Variants in BABAM2 observed in about 807,000 individuals in gnomAD.
The protein encoded by BABAM2 is BRISC and BRCA1-A complex member 2.
Under a neutral mutation model 54.7 loss-of-function variants are expected in BABAM2, and 31 were observed. The ratio of observed to expected loss-of-function variants is 0.57; its 90% CI spans 0.43 to 0.77. The LOEUF is 0.77. BABAM2 is among the 30% of genes least tolerant of loss of function. The probability of loss-of-function intolerance (pLI) is 0.00; values close to 1 mark genes in which losing one functional copy is unlikely to be tolerated. For synonymous variants in BABAM2, 167 were observed against 162.9 expected (o/e 1.03, Z -0.19); for missense variants, 364 against 455.8 (o/e 0.80, Z 1.83).
intron 10 of BABAM2, among the ~76,000 whole-genome samples, chr2:28,279,298 C>T (rs575719114): frequency 3.7e-4 from 57 of 152,258 alleles, no homozygotes; most frequent in South Asian, 2.1e-4. Flanking sequence ...TTTCGTCAGC[C>T]GGAAACCTCC....
intron 7 of BABAM2, among the ~76,000 whole-genome samples, chr2:28,220,051 TTTC>T (rs139641652): frequency 0.024 from 3,649 of 152,330 alleles, 135 homozygotes; most frequent in African/African-American, 0.082. Flanking sequence ...CTAGTCACTA[TTTC>T]TTCTTCATTT....
At chr2:27,959,865 T>C (rs1193553333) in intron 3 of BABAM2, among the ~76,000 whole-genome samples, 2 of 152,192 alleles carry the variant, frequency 1.3e-5, no homozygotes, top group Non-Finnish European at 2.9e-5. Flanking sequence ...GAATGTTGGC[T>C]AGAGCTTGTG....
rs777406035 is a variant in BABAM2 at position 28,129,278 on chromosome 2, A to G, written c.578A>G (p.Asn193Ser). Residue 193 changes from asparagine (N) to serine (S), a missense_variant, in exon 7 of 12, where the codon AAT (asparagine) becomes AGT (serine). Transcript: ENST00000379624. ...TTTCACTTCTTGTTTAAGGATGTAA[A>G]TGAAGACCCTGGAGAAGATGTGGCC... is the stretch of plus-strand genomic sequence containing the variant. ...NIPTYLLKDV[N>S]EDPGEDVALL... 3.1e-6 allele frequency: 5 copies of G among 1,613,596 alleles called. No homozygotes were observed. Among genetic ancestry groups the G allele is most frequent in the South Asian group, 2.2e-5 (2 of 91,072 alleles).
At chr2:28,238,840 C>CA (rs34113096) in intron 8 of BABAM2, among the ~76,000 whole-genome samples, 146,824 of 151,568 alleles carry the variant, frequency 0.97, 71,274 homozygotes, top group Middle Eastern at 1. Context: ...ACATTTTCCT[C>CA]AAAAAAAAAT....
Position 28,304,866 on chromosome 2 carries a change from C to T in BABAM2, c.1088+6375C>T, listed in dbSNP as rs576866379. Among the ~76,000 whole-genome samples, 17 of 149,002 alleles carry T rather than the reference C, an allele frequency of 1.1e-4. No individual in the cohort carries two copies. The highest frequency in any genetic ancestry group is 3.2e-4 in the African/African-American group (13 of 41,222). ...CAAAGTGCTAGGATTACAGGCATGA[C>T]GGGATTTCACCATGTGGCCCAGGCT... On this transcript the variant is annotated intron_variant, in intron 11 of 11. Coordinates refer to ENST00000379624, the MANE Select transcript of BABAM2 (RefSeq NM_199191.3). The surrounding 1 kb of genome is among the most constrained non-coding windows in gnomAD (Gnocchi z 4.0).
At chr2:28,067,921 T>A (rs1324810555) in intron 6 of BABAM2, among the ~76,000 whole-genome samples, 1 of 152,214 alleles carries the variant, frequency 6.6e-6, no homozygotes, top group African/African-American at 2.4e-5. Context: ...AAGAATTTTC[T>A]TTTTTCCTTT....
intron 11 of BABAM2, among the ~76,000 whole-genome samples, chr2:28,335,102 T>A (rs552846798): frequency 6.6e-6 from 1 of 151,550 alleles, no homozygotes; most frequent in East Asian, 1.9e-4. Context: ...TCTTCCTTAG[T>A]ACCTAAATAT....
intron 4 of BABAM2, among the ~76,000 whole-genome samples, chr2:28,002,060 T>TA (rs5830060): frequency 0.62 from 86,166 of 139,846 alleles, 28,103 homozygotes; most frequent in Middle Eastern, 0.76. Flanking sequence ...ATCAAACAGG[T>TA]AAAAAAAAAA....
rs534291801 is a variant in BABAM2, at chr2:28,023,099, A to G, written c.301-2127A>G. ...GGCTAAGGAGATCAATAAAGAAATT[A>G]TATTTTAATGGAAGGAGACTGGTTG... On this transcript the variant is annotated intron_variant, in intron 4 of 11. Coordinates refer to ENST00000379624, the MANE Select transcript of BABAM2 (RefSeq NM_199191.3). Among the ~76,000 whole-genome samples the G allele has an allele frequency of 7.2e-5, 11 of 152,320 alleles. No individual in the cohort carries two copies. In the South Asian group the frequency reaches 2.1e-3, roughly 29 times the overall value.
In BABAM2 at chr2:28,003,062, G is replaced by C. The variant is rs73923962; in HGVS notation, c.300+14975G>C. ...GTTTTATACATTTTGGTGATTATTA[G>C]GATTTATGTTCCCAATATACTTCAT... On this transcript the variant is annotated intron_variant, in intron 4 of 11. Transcript: ENST00000379624. Among the ~76,000 whole-genome samples, 483 of 152,212 alleles carry C rather than the reference G, an allele frequency of 3.2e-3. 4 individuals are homozygous for C. Among genetic ancestry groups the C allele is most frequent in the African/African-American group, 0.011 (463 of 41,526 alleles).
chr2:28,054,680 C>T (rs1032889733), intron 6 of BABAM2, among the ~76,000 whole-genome samples: 1 of 152,200 alleles, frequency 6.6e-6, no homozygotes, highest in African/African-American at 2.4e-5. Flanking sequence ...ACCACAGTTG[C>T]TGCTACCTTG....
At chr2:27,981,416 A>G (rs1671991842) in intron 3 of BABAM2, among the ~76,000 whole-genome samples, 1 of 152,158 alleles carries the variant, frequency 6.6e-6, no homozygotes, top group African/African-American at 2.4e-5. Flanking sequence ...GGCTTTTTAC[A>G]AATATAGTCA....
In BABAM2 at chr2:27,894,609, T is replaced by C. The variant is rs1665137608; in HGVS notation, c.53T>C (p.Ile18Thr). Residue 18 changes from isoleucine to threonine, a missense_variant, in exon 2 of 12, where the codon ATA becomes ACA. Physicochemically the swap from Ile to Thr is moderately conservative, Grantham distance 89. Transcript: ENST00000379624. ...ATATCTCCAATGCTCTCCCCTTTCATATCTAGCGTGGTCCGGAATGGAAAA... is the reference window on the plus strand; with the variant it reads ...ATATCTCCAATGCTCTCCCCTTTCACATCTAGCGTGGTCCGGAATGGAAAA... Reference protein sequence around the residue: ...NRISPMLSPFISSVVRNGKVG... With the variant: ...NRISPMLSPFTSSVVRNGKVG... The C allele has an allele frequency of 3.7e-6, 6 of 1,613,966 alleles. No individual in the cohort carries two copies. The highest frequency in any genetic ancestry group is 1.7e-5 in the Admixed American group (1 of 60,012).
intron 5 of BABAM2, among the ~76,000 whole-genome samples, chr2:28,042,402 T>C (rs1283126496): frequency 6.6e-6 from 1 of 152,150 alleles, no homozygotes; most frequent in Non-Finnish European, 1.5e-5. Flanking sequence ...ATCTCCAATG[T>C]TCAAGGATTG....
chr2:28,283,204 A>T (rs1686525537), intron 10 of BABAM2, among the ~76,000 whole-genome samples: 1 of 152,106 alleles, frequency 6.6e-6, no homozygotes, highest in Admixed American at 6.5e-5. Flanking sequence ...CTGGGCTTGG[A>T]ATCAAGACCC....
At chr2:27,917,626 T>C (rs140312935) in intron 2 of BABAM2, among the ~76,000 whole-genome samples, 9 of 152,282 alleles carry the variant, frequency 5.9e-5, no homozygotes, top group African/African-American at 2.2e-4. Flanking sequence ...TCAAAGGCCC[T>C]ACCTCTTAAT....
chr2:28,206,189 A>T (rs542607289), intron 7 of BABAM2, among the ~76,000 whole-genome samples: 4 of 152,172 alleles, frequency 2.6e-5, no homozygotes, highest in Non-Finnish European at 4.4e-5. Flanking sequence ...CTATGTTTTC[A>T]TGGTACCTAT....
At chr2:28,079,431 CT>C (rs1039360521) in intron 6 of BABAM2, among the ~76,000 whole-genome samples, 1 of 152,058 alleles carries the variant, frequency 6.6e-6, no homozygotes, top group Non-Finnish European at 1.5e-5. Context: ...TATTTGTTTT[CT>C]TTTTGTTGTA....
intron 4 of BABAM2, among the ~76,000 whole-genome samples, chr2:28,003,971 A>T (rs1330477764): frequency 1.3e-5 from 2 of 152,116 alleles, no homozygotes; most frequent in Non-Finnish European, 2.9e-5. Context: ...TTATCTTTCA[A>T]CTCATATAGC....
Sources: gnomAD v4.1 joint callset for allele counts (sites outside exome capture counted in the v4.1 genomes callset) on GRCh38, gnomAD v4.1.1 for gene constraint, Gnocchi (gnomAD v3.1) non-coding constraint, MANE v1.5 for transcripts, NCBI Gene and HGNC (gene_info 2026-07-23, HGNC 2026-07-21) for gene names.